Variants in MNX1 observed in about 807,000 individuals in gnomAD.
MNX1 encodes the protein motor neuron and pancreas homeobox protein 1.
In MNX1, 2 loss-of-function variants were observed where a neutral mutation model predicts 17.3. The ratio of observed to expected loss-of-function variants is 0.12; its 90% CI spans 0.05 to 0.36. The LOEUF is 0.36. MNX1 is among the 10% of genes least tolerant of loss of function. MNX1 has a pLI of 1.00. For missense variants in MNX1, 556 were observed against 564.7 expected (o/e 0.98, Z 0.16); for synonymous variants, 306 against 283.1 (o/e 1.08, Z -0.81).
At chr7:157,009,180 G>A (rs1263002421) in intron 1 of MNX1, 5 of 1,473,514 alleles carry the variant, frequency 3.4e-6, no homozygotes, top group Non-Finnish European at 4.5e-6. Context: ...CCGGGCCTCC[G>A]AAGCCCATTT....
rs1485364365 is a variant in MNX1 at position 157,006,333 on chromosome 7, G to T, written c.852+146C>A. ...CCCGAAGCTACTGAATCGGCGCTCTGGGCACCTTAGATGAACCCGTGCGCC... is the reference window on the plus strand; with the variant it reads ...CCCGAAGCTACTGAATCGGCGCTCTTGGCACCTTAGATGAACCCGTGCGCC... On this transcript the variant is annotated intron_variant, in intron 2 of 2. Transcript: ENST00000252971. This position sits in a 1 kb window ranked among gnomAD's most constrained non-coding sequence, Gnocchi z 6.3. 6.9e-6 allele frequency: 6 copies of T among 863,686 alleles called. No homozygotes were observed. Among genetic ancestry groups the T allele is most frequent in the Non-Finnish European group, 8.7e-6 (5 of 574,234 alleles). 53.5% of individuals were successfully genotyped at this position (863,686 alleles called of 1,614,324 possible).
chr7:157,006,159 G>A lies in MNX1; in HGVS notation c.853-286C>T, dbSNP rs1805594246. 1 of 588,226 alleles carries A rather than the reference G, an allele frequency of 1.7e-6. No homozygotes were observed. The highest frequency in any genetic ancestry group is 3.0e-6 in the Non-Finnish European group (1 of 333,108). The allele number at this position is 588,226 out of a possible 1,614,324, so 36.4% of individuals were successfully genotyped here. ...TTTCTACCCGCGCCCTCCGTCTGCG[G>A]AGGAAGGGTCAGGGCAGCTGGCTAC... On this transcript the variant is annotated intron_variant, in intron 2 of 2. Coordinates refer to ENST00000252971, the MANE Select transcript of MNX1 (RefSeq NM_005515.4). The surrounding 1 kb of genome is among the most constrained non-coding windows in gnomAD (Gnocchi z 6.3).
rs1026147756 is a variant in MNX1, at chr7:157,009,820, G to C, written c.531C>G (p.Gly177=). The C allele has an allele frequency of 1.1e-5, 16 of 1,522,752 alleles. No individual in the cohort carries two copies. In the African/African-American group the frequency reaches 2.3e-4, roughly 22 times the overall value. The allele number at this position is 1,522,752 out of a possible 1,614,324, so 94.3% of individuals were successfully genotyped here. Residue 177 remains glycine, a synonymous_variant, in exon 1 of 3, where the codon GGC becomes GGG. Coordinates refer to ENST00000252971, the MANE Select transcript of MNX1 (RefSeq NM_005515.4). The part of the protein sequence containing the change: ...SAAAAAAALA[G]QHPALSYSYP... ...ACGAGTAGGAGAGCGCCGGGTGCTG[G>C]CCCGCCAGCGCAGCCGCCGCCGCCG...
chr7:157,009,524 C>G (rs1209947130), intron 1 of MNX1, 136 bp downstream of exon 1: 5 of 1,466,054 alleles, frequency 3.4e-6, no homozygotes, highest in Non-Finnish European at 4.5e-6. Flanking sequence ...TCGCAGGCCC[C>G]GGGCAGAGCC....
intron 1 of MNX1, chr7:157,007,816 C>T (rs1452788053): frequency 6.6e-6 from 1 of 152,190 alleles, no homozygotes; most frequent in African/African-American, 2.4e-5. Flanking sequence ...AGAGGATGGC[C>T]CACGCCCCCT....
Position 157,006,424 on chromosome 7 carries a change from G to A in MNX1, c.852+55C>T, listed in dbSNP as rs975347826. On this transcript the variant is annotated intron_variant, in intron 2 of 2. Transcript: ENST00000252971. This position sits in a 1 kb window ranked among gnomAD's most constrained non-coding sequence, Gnocchi z 6.3. ...ACCGCCCGTGGGTCACAAGTGCAAA[G>A]GTAACAGTGTCCCCTGGGAGGCCGG... The A allele has an allele frequency of 3.2e-6, 5 of 1,577,780 alleles. No homozygotes were observed. Among genetic ancestry groups the A allele is most frequent in the Non-Finnish European group, 4.3e-6 (5 of 1,163,306 alleles).
chr7:157,005,649 GTCCTCC>G lies in MNX1; in HGVS notation c.1071_1076del (p.Glu357_Glu358del). The G allele has an allele frequency of 6.2e-7, 1 of 1,610,230 alleles. No homozygotes were observed. The highest frequency in any genetic ancestry group is 8.5e-7 in the Non-Finnish European group (1 of 1,179,038). ...AATGGTCCTCGTCGTCCTCGTCCTC[GTCCTCC>G]TCGGGGTCACTGTCCCTCAAGTCCC... On this transcript the variant is annotated inframe_deletion, in exon 3 of 3. Transcript: ENST00000252971.
At chr7:157,008,782 A>C (rs1586593862) in intron 1 of MNX1, 1 of 591,902 alleles carries the variant, frequency 1.7e-6, no homozygotes, top group Non-Finnish European at 3.0e-6. Flanking sequence ...TAAGTAGCTG[A>C]CCCCGATGGG....
rs1254484017 is a variant in MNX1 at position 157,009,973 on chromosome 7, G to GGCGGCA, written c.372_377dup (p.Ala133_Ala134dup). On this transcript the variant is annotated inframe_insertion, in exon 1 of 3. Transcript: ENST00000252971. The stretch of plus-strand genomic sequence containing the variant: ...CAGCGGCGGCGGCGGCGGCGGCGGC[G>GGCGGCA]GCGGCAGCGGCCGCTGCGCCCGGAT... The GGCGGCA allele has an allele frequency of 2.1e-6, 2 of 971,654 alleles. No homozygotes were observed. Among genetic ancestry groups the GGCGGCA allele is most frequent in the South Asian group, 4.7e-5 (1 of 21,224 alleles). 60.2% of individuals were successfully genotyped at this position (971,654 alleles called of 1,614,324 possible).
chr7:157,009,001 G>A, intron 1 of MNX1: 1 of 1,537,122 alleles, frequency 6.5e-7, no homozygotes, highest in Non-Finnish European at 8.7e-7. Context: ...TCGTTACCTT[G>A]TTGGGCGCCC....
Position 157,009,576 on chromosome 7 carries a change from G to T in MNX1, c.691+84C>A, listed in dbSNP as rs564985847. On this transcript the variant is annotated intron_variant, in intron 1 of 2. Transcript: ENST00000252971. ...TCTTCCCCCGCTCGCTGGGAGCCAA[G>T]CGCAGAGAGGGGCAGGCGGTGCCGG... 81 of 1,548,490 alleles carry T rather than the reference G, an allele frequency of 5.2e-5. No homozygotes were observed. In the South Asian group the frequency reaches 8.3e-4, roughly 16 times the overall value.
At position 157,006,886 on chromosome 7, in the gene MNX1, G is replaced by A; in HGVS notation, c.692-247C>T. On this transcript the variant is annotated intron_variant, in intron 1 of 2. Coordinates refer to ENST00000252971, the MANE Select transcript of MNX1 (RefSeq NM_005515.4). This position sits in a 1 kb window ranked among gnomAD's most constrained non-coding sequence, Gnocchi z 6.3. ...TTTTTTTTTTGTCTAGGAGACGTCT[G>A]AGTGTCCCTGTTAAACAGGGCCCAT... is the stretch of plus-strand genomic sequence containing the variant. 3.1e-6 allele frequency: 1 copy of A among 326,948 alleles called. No homozygotes were observed. The highest frequency in any genetic ancestry group is 5.2e-6 in the Non-Finnish European group (1 of 192,092). 20.3% of individuals were successfully genotyped at this position (326,948 alleles called of 1,614,324 possible).
Position 157,006,464 on chromosome 7 carries a change from G to C in MNX1, c.852+15C>G. The C allele has an allele frequency of 6.2e-7, 1 of 1,607,246 alleles. No individual in the cohort carries two copies. Among genetic ancestry groups the C allele is most frequent in the Admixed American group, 1.7e-5 (1 of 59,574 alleles). ...TGGGAGGCCGGGATGCGTCGGGGGC[G>C]GGGAGGGCGCGCACCTGGGTCTCGG... On this transcript the variant is annotated intron_variant, in intron 2 of 2. Transcript: ENST00000252971. The surrounding 1 kb of genome is among the most constrained non-coding windows in gnomAD (Gnocchi z 6.3).
At chr7:157,008,869 A>G in intron 1 of MNX1, 1 of 932,542 alleles carries the variant, frequency 1.1e-6, no homozygotes. Flanking sequence ...GTGCCAGGAA[A>G]GCCTGAGGGG....
At chr7:157,009,001 G>C (rs1187000311) in intron 1 of MNX1, 7 of 1,537,004 alleles carry the variant, frequency 4.6e-6, no homozygotes, top group African/African-American at 2.7e-5. Context: ...TCGTTACCTT[G>C]TTGGGCGCCC....
chr7:157,005,192 T>C lies in MNX1; in HGVS notation c.*328A>G, dbSNP rs1419981268. 3 of 237,536 alleles carry C rather than the reference T, an allele frequency of 1.3e-5. No homozygotes were observed. Among genetic ancestry groups the C allele is most frequent in the African/African-American group, 2.2e-5 (1 of 45,088 alleles). The allele number at this position is 237,536 out of a possible 1,614,324, so 14.7% of individuals were successfully genotyped here. A position where few individuals can be genotyped will look rare whatever the true frequency, so the allele number is the denominator to read the frequency against. On this transcript the variant is annotated 3_prime_UTR_variant, in exon 3 of 3. Coordinates refer to ENST00000252971, the MANE Select transcript of MNX1 (RefSeq NM_005515.4). The stretch of plus-strand genomic sequence containing the variant: ...ACAGGAGGCTTCCCCTTGCGCGGGG[T>C]GGGTCGGTTCTTCTCACACGCACTC...
chr7:157,005,633 C>G lies in MNX1; in HGVS notation c.1093G>C (p.Glu365Gln). The G allele has an allele frequency of 6.2e-7, 1 of 1,609,146 alleles. No individual in the cohort carries two copies. The highest frequency in any genetic ancestry group is 8.5e-7 in the Non-Finnish European group (1 of 1,178,744). ...DPEEDEDEDD[E>Q]DHFPYSNGAS... ...CCGTTGCTGTAGGGGAAATGGTCCT[C>G]GTCGTCCTCGTCCTCGTCCTCCTCG... Residue 365 changes from glutamate to glutamine, a missense_variant, in exon 3 of 3, where the codon GAG becomes CAG. This residue lies in a region of MNX1 where 178 missense variants were observed against 155.2 expected (regional missense o/e 1.15). Transcript: ENST00000252971.
At chr7:157,009,564 G>T (rs528573220) in intron 1 of MNX1, 96 bp downstream of exon 1, 54 of 1,526,464 alleles carry the variant, frequency 3.5e-5, no homozygotes, top group African/African-American at 3.4e-4. Flanking sequence ...TCCCCCGCTC[G>T]CTGGGAGCCA....
In MNX1 at chr7:157,005,038, G is replaced by A. The variant is rs1038641575; in HGVS notation, c.*482C>T. ...GTGACATAATCCCCCCGACCCCAGA[G>A]ACGTAAGCATAAACCCTTTTTTCTT... On this transcript the variant is annotated 3_prime_UTR_variant, in exon 3 of 3. Coordinates refer to ENST00000252971, the MANE Select transcript of MNX1 (RefSeq NM_005515.4). 1 of 224,476 alleles carries A rather than the reference G, an allele frequency of 4.5e-6. No homozygotes were observed. The highest frequency in any genetic ancestry group is 2.2e-5 in the African/African-American group (1 of 44,746). The allele number at this position is 224,476 out of a possible 1,614,324, so 13.9% of individuals were successfully genotyped here.
Sources: allele counts gnomAD v4.1 joint callset, GRCh38; gene constraint gnomAD v4.1.1; regional missense constraint gnomAD v4.1.1; non-coding constraint Gnocchi (gnomAD v3.1); transcripts MANE v1.5; gene names NCBI Gene and HGNC (gene_info 2026-07-23, HGNC 2026-07-21).